Variants in AMZ1 observed in about 807,000 individuals in gnomAD.
The protein encoded by AMZ1 is archaelysin family metallopeptidase 1.
AMZ1 carries 39 observed loss-of-function variants against 29.9 expected under a neutral mutation model. The observed-to-expected ratio is 1.30, with a 90% CI of 1.01 to 1.70. The LOEUF is 1.70. AMZ1 is among the 40% of genes most tolerant of loss of function. The probability of loss-of-function intolerance (pLI) is 0.00; values close to 1 mark genes in which losing one functional copy is unlikely to be tolerated. For missense variants in AMZ1, 1,041 were observed against 680.6 expected (o/e 1.53, Z -5.89); for synonymous variants, 458 against 304.0 (o/e 1.51, Z -5.27).
intron 3 of AMZ1, among the ~76,000 whole-genome samples, chr7:2,707,143 C>T (rs61348907): frequency 0.024 from 3,629 of 152,044 alleles, 144 homozygotes; most frequent in African/African-American, 0.082. Flanking sequence ...TGTGATGGCA[C>T]GTGCCTGTAA....
At chr7:2,743,221 T>A (rs995798105) in intron 4 of AMZ1, among the ~76,000 whole-genome samples, 2 of 152,234 alleles carry the variant, frequency 1.3e-5, no homozygotes, top group African/African-American at 4.8e-5. Context: ...TGCTGTGATC[T>A]AAGCAACCAC....
At chr7:2,689,552 G>C (rs1208923283) in intron 1 of AMZ1, among the ~76,000 whole-genome samples, 1 of 152,214 alleles carries the variant, frequency 6.6e-6, no homozygotes, top group Non-Finnish European at 1.5e-5. Flanking sequence ...TCCAGGAGCA[G>C]CTGGGGTTCC....
chr7:2,711,260 G>C (rs1788757030), intron 6 of AMZ1, among the ~76,000 whole-genome samples: 1 of 152,212 alleles, frequency 6.6e-6, no homozygotes, highest in Non-Finnish European at 1.5e-5. Context: ...TGCTGTCCCA[G>C]GGCTTGGGGA....
At chr7:2,692,231 A>G (rs1210414464) in intron 1 of AMZ1, among the ~76,000 whole-genome samples, 5 of 152,156 alleles carry the variant, frequency 3.3e-5, no homozygotes, top group Non-Finnish European at 1.5e-5. Context: ...CAGGGAGGAC[A>G]CAGTGGGGTT....
At chr7:2,696,750 G>GT (rs928071353) in intron 1 of AMZ1, among the ~76,000 whole-genome samples, 2 of 152,112 alleles carry the variant, frequency 1.3e-5, no homozygotes, top group African/African-American at 4.8e-5. Flanking sequence ...GCTGGGCATG[G>GT]TGGTGGGTGC....
chr7:2,683,100 C>T (rs953006014), intron 1 of AMZ1, among the ~76,000 whole-genome samples: 10 of 152,236 alleles, frequency 6.6e-5, no homozygotes, highest in Non-Finnish European at 4.4e-5. Context: ...TGTGCCAATG[C>T]CCCGGGAGAG....
intron 1 of AMZ1, among the ~76,000 whole-genome samples, chr7:2,682,332 C>G (rs1786912673): frequency 6.6e-6 from 1 of 152,132 alleles, no homozygotes; most frequent in Non-Finnish European, 1.5e-5. Context: ...GGTCTCGTGT[C>G]CAGCATGAGA....
chr7:2,726,960 C>T (rs1789646129), intron 4 of AMZ1, among the ~76,000 whole-genome samples: 1 of 152,254 alleles, frequency 6.6e-6, no homozygotes, highest in African/African-American at 2.4e-5. Flanking sequence ...CTTCCCCTCC[C>T]AGCTTCTGAT....
chr7:2,763,190 CAACACACACACACA>C, upstream of AMZ1: 2 of 307,858 alleles, frequency 6.5e-6, no homozygotes, highest in African/African-American at 5.1e-5. Flanking sequence ...CAAGACACCC[CAACACACACACACA>C]CACACACACA....
intron 1 of AMZ1, among the ~76,000 whole-genome samples, chr7:2,697,022 T>A (rs1238387193): frequency 6.6e-6 from 1 of 152,210 alleles, no homozygotes; most frequent in Non-Finnish European, 1.5e-5. Flanking sequence ...TAGGAGTCCA[T>A]CTTGAGGAGA....
At position 2,700,599 on chromosome 7, in the gene AMZ1, C is replaced by G. The variant is rs1468251992; in HGVS notation, c.148C>G (p.Pro50Ala). The change falls in exon 2 of 7, where the codon CCG becomes GCG. Residue 50 changes from proline (P) to alanine (A), a missense_variant. Transcript: ENST00000683327. The part of the protein sequence containing the change: ...ERLFLAEAYN[P>A]QRTLFCTLLI... ...GCTCTTCCTGGCCGAGGCCTACAAC[C>G]CGCAGAGGACGCTCTTCTGCACCCT... is the stretch of plus-strand genomic sequence containing the variant. 5.0e-6 allele frequency: 8 copies of G among 1,610,490 alleles called. No homozygotes were observed. The African/African-American group carries it at 9.3e-5, about 19-fold the overall frequency.
intron 4 of AMZ1, among the ~76,000 whole-genome samples, chr7:2,741,852 T>C (rs1259531490): frequency 1.3e-5 from 2 of 150,550 alleles, no homozygotes; most frequent in Non-Finnish European, 1.5e-5. Flanking sequence ...AGTATTCATC[T>C]AGGATGACTG....
chr7:2,702,322 C>T (rs1007868646), intron 2 of AMZ1: 2 of 183,534 alleles, frequency 1.1e-5, no homozygotes, highest in East Asian at 1.5e-4. Context: ...AGCCATGCAG[C>T]CTGGCTCTGT....
intron 4 of AMZ1, among the ~76,000 whole-genome samples, chr7:2,754,037 T>C (rs1791169942): frequency 6.6e-6 from 1 of 152,230 alleles, no homozygotes; most frequent in South Asian, 2.1e-4. Context: ...TCAGCGTTAC[T>C]CTCTGCCAAA....
At position 2,719,090 on chromosome 7, in the gene AMZ1, G is replaced by A. The variant is rs2115234527; in HGVS notation, c.*6212G>A. 6.6e-6 allele frequency among the ~76,000 whole-genome samples: 1 copy of A among 152,010 alleles called. No homozygotes were observed. The highest frequency in any genetic ancestry group is 2.1e-4 in the South Asian group (1 of 4,820). ...ACCTGTGCCCTTCTGGGTGGGTGGT[G>A]GCCGTCCTCTTGGGCGCCCCCTTGT... On this transcript the variant is annotated 3_prime_UTR_variant, in exon 7 of 7. Coordinates refer to ENST00000683327, the MANE Select transcript of AMZ1 (RefSeq NM_001384743.1).
rs147499627 is a variant in AMZ1, at chr7:2,695,009, G to A, written c.-218-5225G>A. The stretch of plus-strand genomic sequence containing the variant: ...ATATATTGGATAAATGAATGAACCC[G>A]TGCGTTCACCTGCCCTGGGACCCGC... On this transcript the variant is annotated intron_variant, in intron 1 of 6. Transcript: ENST00000683327. Among the ~76,000 whole-genome samples, 1,021 of 152,198 alleles carry A rather than the reference G, an allele frequency of 6.7e-3. 7 individuals carry two copies. The highest frequency in any genetic ancestry group is 0.02 in the African/African-American group (827 of 41,516).
At chr7:2,690,197 T>G (rs1013249600) in intron 1 of AMZ1, among the ~76,000 whole-genome samples, 18 of 151,744 alleles carry the variant, frequency 1.2e-4, no homozygotes, top group African/African-American at 4.4e-4. Flanking sequence ...GGCTGTGTTT[T>G]TGTGTGTGTG....
Position 2,693,409 on chromosome 7 carries a change from T to A in AMZ1, c.-219+5113T>A, listed in dbSNP as rs115482784. 3.3e-4 allele frequency among the ~76,000 whole-genome samples: 50 copies of A among 152,038 alleles called. 1 individual carries two copies. The highest frequency in any genetic ancestry group is 1.2e-3 in the African/African-American group (50 of 41,454). On this transcript the variant is annotated intron_variant, in intron 1 of 6. Transcript: ENST00000683327. ...GGGATTGTTGTTGTTGGACACAGGGTCTTGCTGTCATCCAGGCTGGAGTGC... is the reference window on the plus strand; with the variant it reads ...GGGATTGTTGTTGTTGGACACAGGGACTTGCTGTCATCCAGGCTGGAGTGC...
At chr7:2,757,129 CTTTTTTTTTTT>C (rs71026549) in intron 4 of AMZ1, among the ~76,000 whole-genome samples, 4 of 94,004 alleles carry the variant, frequency 4.3e-5, no homozygotes, top group African/African-American at 1.3e-4. Flanking sequence ...TCAGGTGGGC[CTTTTTTTTTTT>C]TTTTTTTTTT....
Sources: gnomAD v4.1 joint callset for allele counts (sites outside exome capture counted in the v4.1 genomes callset) on GRCh38, gnomAD v4.1.1 for gene constraint, MANE v1.5 for transcripts, NCBI Gene and HGNC (gene_info 2026-07-23, HGNC 2026-07-21) for gene names.